The following PRKCQ variants were observed in gnomAD, a reference collection of about 807,000 sequenced individuals.
PRKCQ encodes protein kinase C theta type.
Under a neutral mutation model 91.2 loss-of-function variants are expected in PRKCQ, and 41 were observed. That is an observed-to-expected ratio of 0.45 (90% CI 0.35 to 0.58). The LOEUF is 0.58. Among genes scored for constraint, PRKCQ ranks in the 20% least tolerant of loss-of-function variants. The pLI, the probability that PRKCQ is intolerant of heterozygous loss-of-function variation, is 0.00. For synonymous variants in PRKCQ, 307 were observed against 316.9 expected (o/e 0.97, Z 0.33); for missense variants, 673 against 896.5 (o/e 0.75, Z 3.18).
At chr10:6,410,737 A>G in the PRKCQ span, among the ~76,000 whole-genome samples, 12 of 152,184 alleles carry the variant, frequency 7.9e-5, no homozygotes, top group East Asian at 7.7e-4. Flanking sequence ...ATTCCCAGTA[A>G]TTTGGGAGGC....
chr10:6,410,071 C>T, the PRKCQ span, among the ~76,000 whole-genome samples: 6 of 152,284 alleles, frequency 3.9e-5, no homozygotes, highest in East Asian at 1.2e-3. Flanking sequence ...ACCCTCTGGG[C>T]TACTCACTGC....
Position 6,576,675 on chromosome 10 carries a change from G to T in PRKCQ, c.-10+3536C>A, listed in dbSNP as rs753977838. ...TATACTTAATGTCACTGAACTGTAC[G>T]CTAGAAAATAGTTAAGAAGTTAAAT... On this transcript the variant is annotated intron_variant, in intron 1 of 17. Coordinates refer to ENST00000263125, the MANE Select transcript of PRKCQ (RefSeq NM_006257.5). This position sits in a 1 kb window ranked among gnomAD's most constrained non-coding sequence, Gnocchi z 4.2. Among the ~76,000 whole-genome samples, 1 of 152,182 alleles carries T rather than the reference G, an allele frequency of 6.6e-6. No individual in the cohort carries two copies. Among genetic ancestry groups the T allele is most frequent in the Non-Finnish European group, 1.5e-5 (1 of 68,028 alleles).
rs113093306 is a variant in PRKCQ, at chr10:6,497,132, A to G, written c.575-12T>C. 269 of 1,613,538 alleles carry G rather than the reference A, an allele frequency of 1.7e-4. No homozygotes were observed. Among genetic ancestry groups the G allele is most frequent in the Non-Finnish European group, 2.2e-4 (255 of 1,179,920 alleles). ...TGCTGCATTGCATTCTGAAAAGAAG[A>G]AAAAAATCACAGCTTAAGATTTTCA... On this transcript the variant is annotated splice_polypyrimidine_tract_variant and intron_variant, in intron 6 of 17. Coordinates refer to ENST00000263125, the MANE Select transcript of PRKCQ (RefSeq NM_006257.5). The surrounding 1 kb of genome is among the most constrained non-coding windows in gnomAD (Gnocchi z 4.5).
chr10:6,417,881 G>A, the PRKCQ span, among the ~76,000 whole-genome samples: 1 of 152,302 alleles, frequency 6.6e-6, no homozygotes, highest in African/African-American at 2.4e-5. Flanking sequence ...AACAGTGCTT[G>A]CTCCCAGCAA....
chr10:6,553,709 A>T (rs544910150), intron 1 of PRKCQ, among the ~76,000 whole-genome samples: 1 of 152,104 alleles, frequency 6.6e-6, no homozygotes, highest in African/African-American at 2.4e-5. Flanking sequence ...TCGATAGAAT[A>T]CATGCAAAGC....
intron 1 of PRKCQ, among the ~76,000 whole-genome samples, chr10:6,540,950 T>TG (rs1839755692): frequency 6.6e-6 from 1 of 152,146 alleles, no homozygotes. Context: ...TATTGATTTG[T>TG]GTTGTATTTC....
intron 12 of PRKCQ, among the ~76,000 whole-genome samples, chr10:6,473,650 G>A (rs1410897612): frequency 2.6e-5 from 4 of 152,146 alleles, no homozygotes; most frequent in Non-Finnish European, 5.9e-5. Context: ...GGTTTCCGTG[G>A]GTTTTCTTTT....
chr10:6,413,471 A>C, the PRKCQ span, among the ~76,000 whole-genome samples: 2 of 91,072 alleles, frequency 2.2e-5, no homozygotes, highest in Non-Finnish European at 4.4e-5. Flanking sequence ...ATAAAAAATT[A>C]TGTCACACAC....
Position 6,535,470 on chromosome 10 carries a change from A to AT in PRKCQ, c.-9-20327dup, listed in dbSNP as rs201559667. Reference sequence around the variant, plus strand: ...GTTAAATCCACATATGTATTAATACATTTTTTTTTCAGTACCAAATGGTGC... The same window carrying AT: ...GTTAAATCCACATATGTATTAATACATTTTTTTTTTCAGTACCAAATGGTGC... On this transcript the variant is annotated intron_variant, in intron 1 of 17. Coordinates refer to ENST00000263125, the MANE Select transcript of PRKCQ (RefSeq NM_006257.5). 1.3e-4 allele frequency among the ~76,000 whole-genome samples: 19 copies of AT among 151,412 alleles called. No individual in the cohort carries two copies. In the East Asian group the frequency reaches 1.4e-3, roughly 11 times the overall value.
chr10:6,441,501 G>A (rs981456634), intron 16 of PRKCQ, among the ~76,000 whole-genome samples: 5 of 151,414 alleles, frequency 3.3e-5, no homozygotes, highest in East Asian at 1.9e-4. Flanking sequence ...CAGGGGTCTC[G>A]ATACATTGCC....
At chr10:6,539,773 C>T (rs1340247921) in intron 1 of PRKCQ, among the ~76,000 whole-genome samples, 2 of 152,162 alleles carry the variant, frequency 1.3e-5, no homozygotes, top group Non-Finnish European at 2.9e-5. Flanking sequence ...CTCATCAGCG[C>T]AGCACTCTGC....
At chr10:6,556,433 G>GAAA (rs1564391742) in intron 1 of PRKCQ, among the ~76,000 whole-genome samples, 1 of 93,476 alleles carries the variant, frequency 1.1e-5, no homozygotes, top group Non-Finnish European at 1.9e-5. Flanking sequence ...CCCTGTCTTG[G>GAAA]GAAAAAAAAA....
intron 11 of PRKCQ, 123 bp from the exon 12 acceptor site, chr10:6,479,288 T>A: frequency 8.9e-7 from 1 of 1,121,456 alleles, no homozygotes; most frequent in Non-Finnish European, 1.3e-6. Context: ...CCAACCCCCA[T>A]CCATCCTGCA....
Position 6,462,380 on chromosome 10 carries a change from A to G in PRKCQ, c.1446-15T>C. ...CAGCATAAAACCTGGGGGAAGGAGA[A>G]CCAAGGTTCAACATGAATGTTGTCA... On this transcript the variant is annotated splice_polypyrimidine_tract_variant and intron_variant, in intron 13 of 17. Transcript: ENST00000263125. 6.2e-7 allele frequency: 1 copy of G among 1,612,150 alleles called. No individual in the cohort carries two copies.
chr10:6,457,066 A>T (rs1588688534), intron 14 of PRKCQ, among the ~76,000 whole-genome samples: 1 of 152,152 alleles, frequency 6.6e-6, no homozygotes, highest in Non-Finnish European at 1.5e-5. Flanking sequence ...GAGCACCCAT[A>T]CCCATTGGAG....
At position 6,536,684 on chromosome 10, in the gene PRKCQ, T is replaced by A. The variant is rs536248444; in HGVS notation, c.-9-21540A>T. On this transcript the variant is annotated intron_variant, in intron 1 of 17. Coordinates refer to ENST00000263125, the MANE Select transcript of PRKCQ (RefSeq NM_006257.5). The stretch of plus-strand genomic sequence containing the variant: ...GAAGAGCGGTATCCAAATGGGGTAC[T>A]GGGCTTCAGTGTCCTGTCCCAGCCC... 5.5e-4 allele frequency among the ~76,000 whole-genome samples: 84 copies of A among 152,340 alleles called. 1 individual carries two copies. Among genetic ancestry groups the A allele is most frequent in the African/African-American group, 1.7e-3 (72 of 41,578 alleles).
chr10:6,483,291 T>C (rs1588733480), intron 11 of PRKCQ, 149 bp downstream of exon 11: 2 of 990,984 alleles, frequency 2.0e-6, no homozygotes, highest in Non-Finnish European at 3.0e-6. Context: ...GCCCTCGGGG[T>C]CCCTATTTAT....
chr10:6,547,812 A>G (rs1268680625), intron 1 of PRKCQ, among the ~76,000 whole-genome samples: 3 of 151,708 alleles, frequency 2.0e-5, no homozygotes, highest in East Asian at 3.9e-4. Flanking sequence ...CATTCAGGAC[A>G]TAGGCATGGG....
rs974081945 is a variant in PRKCQ at position 6,433,759 on chromosome 10, G to C, written c.1837-2821C>G. Among the ~76,000 whole-genome samples, 7 of 152,182 alleles carry C rather than the reference G, an allele frequency of 4.6e-5. No homozygotes were observed. The East Asian group carries it at 7.7e-4, about 17-fold the overall frequency. ...TTAGAAGCAAAGAGGGGCTGGGCACGGTGGCTCATGCCTGTAATCCCGTCA... is the reference window on the plus strand; with the variant it reads ...TTAGAAGCAAAGAGGGGCTGGGCACCGTGGCTCATGCCTGTAATCCCGTCA... On this transcript the variant is annotated intron_variant, in intron 16 of 17. Coordinates refer to ENST00000263125, the MANE Select transcript of PRKCQ (RefSeq NM_006257.5).
Sources: gnomAD v4.1 joint callset for allele counts (sites outside exome capture counted in the v4.1 genomes callset) on GRCh38, gnomAD v4.1.1 for gene constraint, Gnocchi (gnomAD v3.1) non-coding constraint, MANE v1.5 for transcripts, NCBI Gene and HGNC (gene_info 2026-07-23, HGNC 2026-07-21) for gene names.